KLHL32: variants seen among roughly 807,000 people sequenced by gnomAD.
KLHL32 encodes kelch-like protein 32.
Under a neutral mutation model 64.8 loss-of-function variants are expected in KLHL32, and 35 were observed. That is an observed-to-expected ratio of 0.54 (90% CI 0.41 to 0.72). KLHL32 has a LOEUF of 0.72. Ranked by LOEUF, KLHL32 falls within the 30% of genes least tolerant of loss-of-function variation. The pLI is 0.00. For synonymous variants in KLHL32, 259 were observed against 281.0 expected, an observed-to-expected ratio of 0.92 and a Z score of 0.78; for missense variants, 589 against 768.5, an observed-to-expected ratio of 0.77 and a Z score of 2.76.
At chr6:97,049,724 G>A (rs1786539740) in intron 4 of KLHL32, among the ~76,000 whole-genome samples, 1 of 152,146 alleles carries the variant, frequency 6.6e-6, no homozygotes, top group South Asian at 2.1e-4. Context: ...GAGGAAGTTT[G>A]AATTTCATCA....
At chr6:97,024,140 T>G (rs1782391316) in intron 3 of KLHL32, among the ~76,000 whole-genome samples, 1 of 152,188 alleles carries the variant, frequency 6.6e-6, no homozygotes, top group South Asian at 2.1e-4. Context: ...CTAATTTTAG[T>G]CAGAAAAAGT....
chr6:97,097,443 C>T (rs374684905), intron 6 of KLHL32, among the ~76,000 whole-genome samples: 3 of 152,308 alleles, frequency 2.0e-5, no homozygotes, highest in East Asian at 3.9e-4. Flanking sequence ...CGCTTGCTGG[C>T]TACACTGAGG....
At chr6:96,979,469 G>T (rs976789574) in intron 3 of KLHL32, among the ~76,000 whole-genome samples, 8 of 151,954 alleles carry the variant, frequency 5.3e-5, no homozygotes, top group Admixed American at 4.6e-4. Context: ...TTTATTTCTG[G>T]GCTCTCTATT....
chr6:97,025,497 T>C (rs1782593454), intron 3 of KLHL32, among the ~76,000 whole-genome samples: 1 of 152,232 alleles, frequency 6.6e-6, no homozygotes, highest in Admixed American at 6.5e-5. Context: ...ATTCCAGTAA[T>C]AGATATGAAT....
rs775279926 is a variant in KLHL32, at chr6:97,061,197, TG to T, written c.313-3429del. Among the ~76,000 whole-genome samples the T allele has an allele frequency of 2.8e-4, 42 of 152,290 alleles. No homozygotes were observed. In the South Asian group the frequency reaches 8.3e-3, roughly 30 times the overall value. On this transcript the variant is annotated intron_variant, in intron 4 of 10. Transcript: ENST00000369261. The stretch of plus-strand genomic sequence containing the variant: ...TCATGCCCCCACCTAAGTTTGCTCC[TG>T]GTTGCATCAAAACCTGTTTGCAAAT...
At chr6:96,912,454 T>C in the KLHL32 span, among the ~76,000 whole-genome samples, 3 of 152,228 alleles carry the variant, frequency 2.0e-5, no homozygotes, top group Admixed American at 1.3e-4. Context: ...CATTGTGATT[T>C]TTCCTGTGTT....
In KLHL32 at chr6:97,036,114, T is replaced by C. The variant is rs192286046; in HGVS notation, c.205-5378T>C. ...CTTTCCTCTGCTTGATCGAGTCTGGTATTGAAGTTCTCTGTCGCATTTTTT... is the reference window on the plus strand; with the variant it reads ...CTTTCCTCTGCTTGATCGAGTCTGGCATTGAAGTTCTCTGTCGCATTTTTT... On this transcript the variant is annotated intron_variant, in intron 3 of 10. Transcript: ENST00000369261. 4.3e-3 allele frequency among the ~76,000 whole-genome samples: 656 copies of C among 152,276 alleles called. 1 individual carries two copies. The highest frequency in any genetic ancestry group is 7.6e-3 in the Non-Finnish European group (520 of 68,014).
chr6:96,974,805 C>T (rs2143389), intron 2 of KLHL32, among the ~76,000 whole-genome samples: 33,388 of 152,194 alleles, frequency 0.22, 4,171 homozygotes, highest in African/African-American at 0.34. Context: ...CTGGTGGCAA[C>T]TCTGGCTCCC....
intron 10 of KLHL32, among the ~76,000 whole-genome samples, chr6:97,138,562 A>C (rs1448012377): frequency 6.6e-6 from 1 of 151,986 alleles, no homozygotes; most frequent in Non-Finnish European, 1.5e-5. Context: ...CAACAAAAAA[A>C]CCCCAAAAAC....
chr6:97,100,689 G>A (rs1315816265), intron 6 of KLHL32, among the ~76,000 whole-genome samples: 1 of 152,014 alleles, frequency 6.6e-6, no homozygotes, highest in Non-Finnish European at 1.5e-5. Context: ...AGTGACCTGG[G>A]GCAGCTGCTT....
At chr6:96,904,135 A>AG in the KLHL32 span, among the ~76,000 whole-genome samples, 1 of 152,090 alleles carries the variant, frequency 6.6e-6, no homozygotes, top group African/African-American at 2.4e-5. Context: ...TGAGGTCAGG[A>AG]GATTGAGACC....
chr6:96,971,953 A>G (rs1775162960), intron 2 of KLHL32, among the ~76,000 whole-genome samples: 1 of 152,092 alleles, frequency 6.6e-6, no homozygotes, highest in Non-Finnish European at 1.5e-5. Flanking sequence ...CCCGGGTTCA[A>G]GTAATTCTCC....
intron 1 of KLHL32, among the ~76,000 whole-genome samples, chr6:96,928,164 A>T (rs1188700517): frequency 6.6e-6 from 1 of 152,044 alleles, no homozygotes; most frequent in Admixed American, 6.6e-5. Context: ...GACACAGGGA[A>T]AAAATTTTAA....
chr6:96,993,411 G>A (rs1166414849), intron 3 of KLHL32, among the ~76,000 whole-genome samples: 4 of 152,158 alleles, frequency 2.6e-5, no homozygotes, highest in Non-Finnish European at 4.4e-5. Flanking sequence ...GCATTTTCAC[G>A]TGGCAACTAA....
intron 1 of KLHL32, among the ~76,000 whole-genome samples, chr6:96,937,668 T>C (rs952630851): frequency 2.6e-5 from 4 of 152,182 alleles, no homozygotes; most frequent in African/African-American, 9.7e-5. Context: ...TGCCTCAATA[T>C]TCAGTCATCA....
At chr6:96,964,275 G>A (rs780469561) in intron 1 of KLHL32, among the ~76,000 whole-genome samples, 12 of 152,178 alleles carry the variant, frequency 7.9e-5, no homozygotes, top group Non-Finnish European at 1.6e-4. Context: ...GCAAGGAGGT[G>A]GGAAGAGGGA....
At chr6:96,999,322 G>A (rs1329031513) in intron 3 of KLHL32, among the ~76,000 whole-genome samples, 1 of 152,146 alleles carries the variant, frequency 6.6e-6, no homozygotes, top group Non-Finnish European at 1.5e-5. Context: ...TTTGAGCCTG[G>A]GAAGTCGAGG....
intron 5 of KLHL32, among the ~76,000 whole-genome samples, chr6:97,077,520 A>T (rs998195): frequency 6.6e-6 from 1 of 151,894 alleles, no homozygotes; most frequent in East Asian, 1.9e-4. Context: ...GAAAACAAGG[A>T]GACCCAAGAT....
At chr6:96,927,069 CA>C in intron 1 of KLHL32, among the ~76,000 whole-genome samples, 1 of 152,082 alleles carries the variant, frequency 6.6e-6, no homozygotes, top group East Asian at 1.9e-4. Context: ...TAAACAGGTT[CA>C]AAAATTTTTT....
Sources: gnomAD v4.1 joint callset for allele counts (sites outside exome capture counted in the v4.1 genomes callset) on GRCh38, gnomAD v4.1.1 for gene constraint, MANE v1.5 for transcripts, NCBI Gene and HGNC (gene_info 2026-07-23, HGNC 2026-07-21) for gene names.